Variants in PTPRE observed in about 807,000 individuals in gnomAD.
PTPRE encodes receptor-type tyrosine-protein phosphatase epsilon.
Under a neutral mutation model 102.0 loss-of-function variants are expected in PTPRE, and 51 were observed. That is an observed-to-expected ratio of 0.50 (90% CI 0.40 to 0.63). The LOEUF is 0.63. PTPRE is among the 30% of genes least tolerant of loss of function. The pLI is 0.00. For synonymous variants in PTPRE, 345 were observed against 348.2 expected, an observed-to-expected ratio of 0.99 and a Z score of 0.10; for missense variants, 752 against 915.1, an observed-to-expected ratio of 0.82 and a Z score of 2.30.
At chr10:127,963,632 C>T (rs562573005) in intron 1 of PTPRE, among the ~76,000 whole-genome samples, 17 of 152,084 alleles carry the variant, frequency 1.1e-4, no homozygotes, top group African/African-American at 4.1e-4. Context: ...GGGGAAGCAC[C>T]GTAGGCGAGC....
At chr10:127,966,885 A>G (rs1348706454) in intron 1 of PTPRE, among the ~76,000 whole-genome samples, 1 of 152,242 alleles carries the variant, frequency 6.6e-6, no homozygotes, top group Non-Finnish European at 1.5e-5. Flanking sequence ...CACCTTGAAA[A>G]GATTTAGGTG....
At chr10:128,049,988 G>A (rs1000113044) in intron 6 of PTPRE, among the ~76,000 whole-genome samples, 8 of 152,290 alleles carry the variant, frequency 5.3e-5, no homozygotes, top group Admixed American at 2.0e-4. Context: ...GGACCTGAGC[G>A]CGGCACGGTA....
chr10:127,988,304 C>CTTTTTTTTTTTTTTT (rs57166500), intron 2 of PTPRE, among the ~76,000 whole-genome samples: 3 of 123,838 alleles, frequency 2.4e-5, no homozygotes, highest in Non-Finnish European at 3.3e-5. Flanking sequence ...TTTTTCTTTT[C>CTTTTTTTTTTTTTTT]TTTTTTTTTT....
intron 1 of PTPRE, among the ~76,000 whole-genome samples, chr10:127,941,938 C>T (rs1848277072): frequency 6.6e-6 from 1 of 152,124 alleles, no homozygotes; most frequent in Non-Finnish European, 1.5e-5. Context: ...CCCTTGATCT[C>T]ATCAGTGTGG....
rs1845535660 is a variant in PTPRE at position 127,907,262 on chromosome 10, G to A, written c.-78G>A. On this transcript the variant is annotated 5_prime_UTR_variant, in exon 1 of 21. Coordinates refer to ENST00000254667, the MANE Select transcript of PTPRE (RefSeq NM_006504.6). The surrounding 1 kb of genome is among the most constrained non-coding windows in gnomAD (Gnocchi z 4.8). The stretch of plus-strand genomic sequence containing the variant: ...GGCGGGCAGGCGCCCGGGAGATGCG[G>A]AGCCTCCGCTGCAGCGCGATCTGCG... 2.0e-6 allele frequency: 2 copies of A among 984,570 alleles called. No individual in the cohort carries two copies. The highest frequency in any genetic ancestry group is 1.8e-5 in the African/African-American group (1 of 57,114). 61.0% of individuals were successfully genotyped at this position (984,570 alleles called of 1,614,324 possible). A position where few individuals can be genotyped will look rare whatever the true frequency, so the allele number is the denominator to read the frequency against.
rs574906053 is a variant in PTPRE at position 128,028,130 on chromosome 10, G to A, written c.-7-12745G>A. On this transcript the variant is annotated intron_variant, in intron 2 of 20. Transcript: ENST00000254667. The surrounding 1 kb of genome is among the most constrained non-coding windows in gnomAD (Gnocchi z 4.5). ...GACCACTGGATTTCTGGAGAACACT[G>A]TACTTCGCCAGCCTGCGGCAGACAC... Among the ~76,000 whole-genome samples the A allele has an allele frequency of 8.5e-5, 13 of 152,360 alleles. No individual in the cohort carries two copies. Among genetic ancestry groups the A allele is most frequent in the African/African-American group, 3.1e-4 (13 of 41,588 alleles).
chr10:127,943,468 C>A (rs1035863687), intron 1 of PTPRE, among the ~76,000 whole-genome samples: 4 of 152,130 alleles, frequency 2.6e-5, no homozygotes, highest in Non-Finnish European at 5.9e-5. Context: ...ACTTTCCCGT[C>A]GTCTTCTCCC....
In PTPRE at chr10:128,068,121, A is replaced by C; in HGVS notation, c.844-2A>C. On this transcript the variant is annotated splice_acceptor_variant, in intron 11 of 20. Coordinates refer to ENST00000254667, the MANE Select transcript of PTPRE (RefSeq NM_006504.6). LOFTEE classifies it high-confidence loss of function. ...ACTCTTGTCTCCCCGCGTCCCCCGC[A>C]GCAGCTCCCCGACGGCTGCAAAGCC... is the stretch of plus-strand genomic sequence containing the variant. The C allele has an allele frequency of 6.2e-7, 1 of 1,611,398 alleles. No homozygotes were observed. Among genetic ancestry groups the C allele is most frequent in the East Asian group, 2.2e-5 (1 of 44,836 alleles).
At chr10:127,973,525 A>G (rs1357951685) in intron 1 of PTPRE, among the ~76,000 whole-genome samples, 3 of 152,026 alleles carry the variant, frequency 2.0e-5, no homozygotes, top group East Asian at 1.9e-4. Context: ...AAACAATAAT[A>G]TTTACAAATG....
chr10:127,920,895 T>C (rs545287380), intron 1 of PTPRE, among the ~76,000 whole-genome samples: 1 of 152,264 alleles, frequency 6.6e-6, no homozygotes, highest in East Asian at 1.9e-4. Flanking sequence ...CAAACTCACA[T>C]TCTGTCTTCC....
At chr10:127,974,867 C>T (rs577990984) in intron 1 of PTPRE, among the ~76,000 whole-genome samples, 1 of 149,054 alleles carries the variant, frequency 6.7e-6, no homozygotes, top group Non-Finnish European at 1.5e-5. Flanking sequence ...CCTTCGTCAT[C>T]TGTAAAATGT....
chr10:128,063,266 A>G (rs1001638711), intron 10 of PTPRE, 86 bp downstream of exon 10: 1 of 1,549,050 alleles, frequency 6.5e-7, no homozygotes, highest in East Asian at 2.3e-5. Flanking sequence ...TCCTTTTCCT[A>G]CTTCCCTCCC....
chr10:128,050,146 C>T (rs1848435670), intron 6 of PTPRE, among the ~76,000 whole-genome samples: 1 of 123,628 alleles, frequency 8.1e-6, no homozygotes, highest in Admixed American at 1.1e-4. Flanking sequence ...CTTGAGAGAA[C>T]ACTAGCTATA....
rs1024519300 is a variant in PTPRE at position 127,982,348 on chromosome 10, A to T, written c.-8+52A>T. ...TTTTTGATGTACAGATAACTAGTTT[A>T]AAATAATATGTGGGATTTAATTATT... On this transcript the variant is annotated intron_variant, in intron 2 of 20. Transcript: ENST00000254667. The T allele has an allele frequency of 2.2e-5, 24 of 1,068,490 alleles. No homozygotes were observed. In the South Asian group the frequency reaches 3.4e-4, roughly 15 times the overall value. 66.2% of individuals were successfully genotyped at this position (1,068,490 alleles called of 1,614,324 possible).
At chr10:127,930,254 A>T (rs1847330796) in intron 1 of PTPRE, among the ~76,000 whole-genome samples, 2 of 152,002 alleles carry the variant, frequency 1.3e-5, no homozygotes, top group African/African-American at 4.8e-5. Context: ...CGAAAAAAAA[A>T]ATCTGTCATC....
chr10:128,041,853 C>G (rs1360387049), intron 3 of PTPRE, among the ~76,000 whole-genome samples: 1 of 151,990 alleles, frequency 6.6e-6, no homozygotes, highest in African/African-American at 2.4e-5. Flanking sequence ...AAAGTCACAT[C>G]AAGAGCCCCA....
At chr10:128,076,460 A>G (rs992419371) in intron 17 of PTPRE, 143 bp from the exon 18 acceptor site, 4 of 782,584 alleles carry the variant, frequency 5.1e-6, no homozygotes, top group Non-Finnish European at 7.5e-6. Flanking sequence ...ATTAACAGGC[A>G]TTTATATTCA....
chr10:127,923,499 G>C (rs1024563884), intron 1 of PTPRE, among the ~76,000 whole-genome samples: 3 of 150,942 alleles, frequency 2.0e-5, no homozygotes, highest in African/African-American at 4.9e-5. Flanking sequence ...TGCCTCCCAG[G>C]TTCAAGTGAT....
chr10:128,070,819 T>C lies in PTPRE; in HGVS notation c.1305T>C (p.Asn435=), dbSNP rs374147144. 7 of 1,613,704 alleles carry C rather than the reference T, an allele frequency of 4.3e-6. No homozygotes were observed. The highest frequency in any genetic ancestry group is 3.3e-5 in the South Asian group (3 of 91,084). ...GLEEEFRKLT[N]VRIMKENMRT... is the part of the protein sequence containing the mutation. ...CTTCTCTGCTGCAGAAATTGACAAA[T>C]GTCCGGATCATGAAGGAGAACATGA... The change falls in exon 15 of 21, where the codon AAT becomes AAC. Residue 435 remains asparagine (N), a synonymous_variant. Coordinates refer to ENST00000254667, the MANE Select transcript of PTPRE (RefSeq NM_006504.6). This position sits in a 1 kb window ranked among gnomAD's most constrained non-coding sequence, Gnocchi z 4.8.
Sources: gnomAD v4.1 joint callset for allele counts (sites outside exome capture counted in the v4.1 genomes callset) on GRCh38, gnomAD v4.1.1 for gene constraint, Gnocchi (gnomAD v3.1) non-coding constraint, MANE v1.5 for transcripts, NCBI Gene and HGNC (gene_info 2026-07-23, HGNC 2026-07-21) for gene names.